The following NAALAD2 variants were observed in gnomAD, a reference collection of about 807,000 sequenced individuals.
The protein encoded by NAALAD2 is N-acetylated-alpha-linked acidic dipeptidase 2.
In NAALAD2, 89 loss-of-function variants were observed where a neutral mutation model predicts 95.6. That is an observed-to-expected ratio of 0.93 (90% CI 0.78 to 1.11). NAALAD2 has a LOEUF of 1.11. NAALAD2 is among the 50% of genes least tolerant of loss of function. The pLI is 0.00. For synonymous variants in NAALAD2, 264 were observed against 294.4 expected, an observed-to-expected ratio of 0.90 and a Z score of 1.06; for missense variants, 894 against 872.4, an observed-to-expected ratio of 1.02 and a Z score of -0.31.
chr11:90,152,510 C>A (rs780683722), intron 6 of NAALAD2, 26 bp downstream of exon 6: 21 of 1,556,704 alleles, frequency 1.3e-5, no homozygotes, highest in East Asian at 2.3e-5. Context: ...ATCAGTCCAC[C>A]AATTTTGCAA....
At chr11:90,150,644 G>T in intron 5 of NAALAD2, 37 bp downstream of exon 5, 2 of 1,508,304 alleles carry the variant, frequency 1.3e-6, no homozygotes, top group Non-Finnish European at 1.8e-6. Flanking sequence ...AGAATGAGAG[G>T]ATATATATAT....
At chr11:90,171,180 A>C (rs752677806) in intron 13 of NAALAD2, among the ~76,000 whole-genome samples, 4 of 152,208 alleles carry the variant, frequency 2.6e-5, no homozygotes, top group Non-Finnish European at 4.4e-5. Flanking sequence ...ATCTGTGAAC[A>C]TCATTTAAAT....
intron 6 of NAALAD2, among the ~76,000 whole-genome samples, chr11:90,155,779 GTAT>G (rs1214176232): frequency 3.1e-5 from 4 of 129,444 alleles, no homozygotes; most frequent in East Asian, 2.2e-4. Context: ...TATGTAATAT[GTAT>G]TATTACATAC....
In NAALAD2 at chr11:90,183,003, C is replaced by T; in HGVS notation, c.2028C>T (p.Phe676=). The T allele has an allele frequency of 6.2e-7, 1 of 1,611,554 alleles. No individual in the cohort carries two copies. The highest frequency in any genetic ancestry group is 1.1e-5 in the South Asian group (1 of 90,946). The change falls in exon 18 of 19, where the codon TTC becomes TTT. Residue 676 remains phenylalanine, a synonymous_variant. Coordinates refer to ENST00000534061, the MANE Select transcript of NAALAD2 (RefSeq NM_005467.4). ...CTCTTGGTTTACCAGGAAAGCTGTT[C>T]TATAGGTAAGGAAACAACAGGCGCC... ...IDPLGLPGKL[F]YRHIIFAPSS... is the part of the protein sequence containing the mutation.
chr11:90,180,765 C>T (rs1458825804), intron 16 of NAALAD2, among the ~76,000 whole-genome samples: 2 of 151,896 alleles, frequency 1.3e-5, no homozygotes, highest in South Asian at 2.1e-4. Context: ...TTGGTGAGTT[C>T]TGCATCCATG....
intron 2 of NAALAD2, among the ~76,000 whole-genome samples, chr11:90,141,485 T>C (rs1951613188): frequency 6.6e-6 from 1 of 152,232 alleles, no homozygotes; most frequent in Non-Finnish European, 1.5e-5. Context: ...ATGCAAATTA[T>C]ATTGTGTTTT....
At chr11:90,158,708 TA>T (rs1952198396) in intron 7 of NAALAD2, 1 of 173,122 alleles carries the variant, frequency 5.8e-6, no homozygotes, top group South Asian at 1.5e-4. Flanking sequence ...ATCATATGAG[TA>T]AAATACATAG....
intron 11 of NAALAD2, chr11:90,164,037 GA>G (rs1952370788): frequency 3.6e-6 from 1 of 275,890 alleles, no homozygotes; most frequent in South Asian, 1.0e-4. Context: ...GTTCTATTAA[GA>G]TGGCCATATA....
chr11:90,147,079 C>G (rs1951765779), intron 2 of NAALAD2, among the ~76,000 whole-genome samples: 1 of 152,044 alleles, frequency 6.6e-6, no homozygotes, highest in Non-Finnish European at 1.5e-5. Context: ...CATATCTGAG[C>G]CTTTGCTGAT....
At chr11:90,149,189 GA>G (rs1365314419) in intron 4 of NAALAD2, 82 bp downstream of exon 4, 1 of 698,840 alleles carries the variant, frequency 1.4e-6, no homozygotes, top group African/African-American at 1.8e-5. Flanking sequence ...TAAAACCAAG[GA>G]AATTAGGTGA....
At chr11:90,174,426 T>C (rs1413325917) in intron 14 of NAALAD2, among the ~76,000 whole-genome samples, 1 of 152,130 alleles carries the variant, frequency 6.6e-6, no homozygotes, top group Non-Finnish European at 1.5e-5. Context: ...CACAAATAGA[T>C]CTAGTTTTGC....
intron 7 of NAALAD2, 150 bp from the exon 8 acceptor site, chr11:90,159,089 C>T: frequency 1.6e-6 from 1 of 640,798 alleles, no homozygotes; most frequent in Admixed American, 2.9e-5. Context: ...AAATAAGCTC[C>T]ACAAAGGGCG....
At position 90,152,439 on chromosome 11, in the gene NAALAD2, T is replaced by C. The variant is rs1447197033; in HGVS notation, c.751T>C (p.Leu251=). The C allele has an allele frequency of 2.5e-6, 4 of 1,613,652 alleles. No individual in the cohort carries two copies. Among genetic ancestry groups the C allele is most frequent in the Non-Finnish European group, 3.4e-6 (4 of 1,179,792 alleles). Residue 251 remains leucine, a synonymous_variant, in exon 6 of 19, where the codon TTG becomes CTG. Transcript: ENST00000534061. ...AGCCCAGAGAGGAAATGTGTTAAAT[T>C]TGAATGGTGCTGGTGACCCACTCAC... ...TAAQRGNVLN[L]NGAGDPLTPG...
chr11:90,134,936 C>G, intron 1 of NAALAD2, 96 bp downstream of exon 1: 1 of 1,385,898 alleles, frequency 7.2e-7, no homozygotes, highest in Non-Finnish European at 1.0e-6. Flanking sequence ...TTGGGCTGTG[C>G]GCTAGCCCTG....
rs773419366 is a variant in NAALAD2, at chr11:90,135,669, CGG to C, written c.194_194+1del. 3 of 1,606,648 alleles carry C rather than the reference CGG, an allele frequency of 1.9e-6. No homozygotes were observed. Among genetic ancestry groups the C allele is most frequent in the Non-Finnish European group, 2.6e-6 (3 of 1,174,816 alleles). On this transcript the variant is annotated splice_donor_variant and coding_sequence_variant, in exon 2 of 19. Coordinates refer to ENST00000534061, the MANE Select transcript of NAALAD2 (RefSeq NM_005467.4). LOFTEE classifies it high-confidence loss of function. ...AGCTGAAAACATCAAATCATTTCTTCGGTAAGTTTATTTTACGTATTTGATCT... is the reference window on the plus strand; with the variant it reads ...AGCTGAAAACATCAAATCATTTCTTCTAAGTTTATTTTACGTATTTGATCT...
intron 11 of NAALAD2, among the ~76,000 whole-genome samples, chr11:90,165,931 C>CT (rs1952428887): frequency 6.6e-6 from 1 of 152,066 alleles, no homozygotes; most frequent in Non-Finnish European, 1.5e-5. Context: ...TAAACATGTG[C>CT]ATTAAAAGGC....
chr11:90,184,798 A>G (rs1430180153), intron 18 of NAALAD2, among the ~76,000 whole-genome samples: 2 of 152,108 alleles, frequency 1.3e-5, no homozygotes, highest in African/African-American at 2.4e-5. Context: ...ATATGTATAT[A>G]GTCAGCCCTC....
At chr11:90,160,236 G>T (rs751539137) in intron 8 of NAALAD2, among the ~76,000 whole-genome samples, 2 of 152,116 alleles carry the variant, frequency 1.3e-5, no homozygotes, top group African/African-American at 2.4e-5. Context: ...CTGGGTAAAG[G>T]GAGGCAAGAA....
Position 90,134,827 on chromosome 11 carries a change from G to C in NAALAD2, c.69G>C (p.Met23Ile), listed in dbSNP as rs375844368. 4.2e-5 allele frequency: 68 copies of C among 1,614,158 alleles called. 1 individual carries two copies. The East Asian group carries it at 1.1e-3, about 27-fold the overall frequency. ...CLAAALASFL[M>I]GFMVGWFIKP... ...CTGCTGCGCTGGCATCTTTCCTGATGGGATTTATGGTGGGTAAGTGAACAA... is the reference window on the plus strand; with the variant it reads ...CTGCTGCGCTGGCATCTTTCCTGATCGGATTTATGGTGGGTAAGTGAACAA... The change falls in exon 1 of 19, where the codon ATG (methionine) becomes ATC (isoleucine). Residue 23 changes from methionine (M) to isoleucine (I), a missense_variant. Coordinates refer to ENST00000534061, the MANE Select transcript of NAALAD2 (RefSeq NM_005467.4).
Sources: gnomAD v4.1 joint callset for allele counts (sites outside exome capture counted in the v4.1 genomes callset) on GRCh38, gnomAD v4.1.1 for gene constraint, MANE v1.5 for transcripts, NCBI Gene and HGNC (gene_info 2026-07-23, HGNC 2026-07-21) for gene names.